Variants in ARHGAP22 observed in about 807,000 individuals in gnomAD.
ARHGAP22 encodes the protein rho GTPase-activating protein 22.
A neutral mutation model predicts 59.1 loss-of-function variants in ARHGAP22; 48 were observed. The observed-to-expected ratio is 0.81, with a 90% CI of 0.64 to 1.03. ARHGAP22 has a LOEUF of 1.03. Ranked by LOEUF, ARHGAP22 falls within the 50% of genes least tolerant of loss-of-function variation. The pLI is 0.00. For missense variants in ARHGAP22, 1,015 were observed against 958.7 expected, an observed-to-expected ratio of 1.06 and a Z score of -0.78; for synonymous variants, 445 against 416.4, an observed-to-expected ratio of 1.07 and a Z score of -0.84.
intron 4 of ARHGAP22, among the ~76,000 whole-genome samples, chr10:48,467,799 C>T (rs1427789883): frequency 6.6e-6 from 1 of 152,152 alleles, no homozygotes; most frequent in Non-Finnish European, 1.5e-5. Flanking sequence ...TTGCAAGGTG[C>T]TTACTCTGGG....
chr10:48,460,640 A>C (rs528096395), intron 4 of ARHGAP22, among the ~76,000 whole-genome samples: 1 of 152,362 alleles, frequency 6.6e-6, no homozygotes, highest in African/African-American at 2.4e-5. Flanking sequence ...ACCTAAAAGA[A>C]TTAAAAGCAA....
chr10:48,453,471 G>A (rs1473944112), intron 7 of ARHGAP22, 46 bp from the exon 8 acceptor site: 4 of 1,609,748 alleles, frequency 2.5e-6, no homozygotes, highest in Non-Finnish European at 3.4e-6. Context: ...AAGTTGTGAT[G>A]CCCAGTCTCC....
chr10:48,640,527 G>T (rs1407025814), intron 1 of ARHGAP22, among the ~76,000 whole-genome samples: 1 of 152,148 alleles, frequency 6.6e-6, no homozygotes, highest in African/African-American at 2.4e-5. Context: ...ATTAACAGTT[G>T]CCTTGTCATC....
rs755687175 is a variant in ARHGAP22 at position 48,459,834 on chromosome 10, C to T, written c.509G>A (p.Arg170His). ...CTGCTCCACCAGCAGGGGCGCCAGG[C>T]GGGGGCCATACTTCCGCTCGTGGTG... ...TVHHERKYGP[R>H]LAPLLVEQCV... The change falls in exon 5 of 10, where the codon CGC (arginine) becomes CAC (histidine). Residue 170 changes from arginine (R) to histidine (H), a missense_variant. By Grantham distance (29) the Arg-to-His change is conservative (BLOSUM62 0). Transcript: ENST00000249601. 6.2e-6 allele frequency: 10 copies of T among 1,613,446 alleles called. No homozygotes were observed. The highest frequency in any genetic ancestry group is 3.3e-5 in the Admixed American group (2 of 60,038).
In ARHGAP22 at chr10:48,628,688, C is replaced by T. The variant is rs182756445; in HGVS notation, c.52+23546G>A. Among the ~76,000 whole-genome samples the T allele has an allele frequency of 1.5e-3, 231 of 152,262 alleles. 1 individual carries two copies. Among genetic ancestry groups the T allele is most frequent in the African/African-American group, 5.2e-3 (217 of 41,552 alleles). On this transcript the variant is annotated intron_variant, in intron 1 of 9. Coordinates refer to the ARHGAP22 transcript ENST00000435790. ...CTTTTTGCAAGTTATCGAGTCATGG[C>T]CTTGACAATATAGTCAAAGTATATT... is the stretch of plus-strand genomic sequence containing the variant.
intron 2 of ARHGAP22, among the ~76,000 whole-genome samples, chr10:48,576,901 A>G (rs543764416): frequency 0.042 from 5,684 of 135,642 alleles, 341 homozygotes; most frequent in African/African-American, 0.14. Context: ...CCACTCACCC[A>G]TCCCTCCCCA....
intron 3 of ARHGAP22, among the ~76,000 whole-genome samples, chr10:48,552,437 G>A (rs1236814284): frequency 2.0e-5 from 3 of 152,254 alleles, no homozygotes; most frequent in Non-Finnish European, 2.9e-5. Flanking sequence ...GGAACTGTAG[G>A]AGAAGCCCCT....
intron 3 of ARHGAP22, among the ~76,000 whole-genome samples, chr10:48,488,839 C>T (rs760608634): frequency 7.2e-5 from 11 of 152,324 alleles, no homozygotes; most frequent in Non-Finnish European, 1.3e-4. Flanking sequence ...CTCTGTGCAG[C>T]TCTTTCCTCC....
chr10:48,655,256 T>TGGGGGGGGG (rs1230624457), upstream of ARHGAP22, among the ~76,000 whole-genome samples: 1 of 9,872 alleles, frequency 1.0e-4, no homozygotes, highest in African/African-American at 3.1e-4. Flanking sequence ...TGTGTGTGTG[T>TGGGGGGGGG]GGGGGGGGGG....
chr10:48,431,881 AAC>A, the ARHGAP22 span, among the ~76,000 whole-genome samples: 8 of 152,196 alleles, frequency 5.3e-5, no homozygotes, highest in Non-Finnish European at 1.0e-4. Flanking sequence ...CATACCACAT[AAC>A]AGACACTAGT....
downstream of ARHGAP22, chr10:48,445,331 A>G (rs1305177258): frequency 1.3e-5 from 2 of 152,362 alleles, no homozygotes; most frequent in Non-Finnish European, 2.9e-5. Context: ...GCAAGGGGCC[A>G]GCCACACATC....
At chr10:48,548,170 C>T (rs2056609518) in intron 3 of ARHGAP22, among the ~76,000 whole-genome samples, 1 of 152,296 alleles carries the variant, frequency 6.6e-6, no homozygotes, top group South Asian at 2.1e-4. Flanking sequence ...CAGAGTACCA[C>T]CCGCTCGCCC....
intron 1 of ARHGAP22, among the ~76,000 whole-genome samples, chr10:48,649,805 C>G (rs902750150): frequency 2.6e-5 from 4 of 152,124 alleles, no homozygotes; most frequent in African/African-American, 9.7e-5. Flanking sequence ...CCACCAGCTC[C>G]TGCTGGAGGG....
intron 3 of ARHGAP22, among the ~76,000 whole-genome samples, chr10:48,496,786 A>AG (rs545266889): frequency 5.9e-5 from 9 of 151,996 alleles, no homozygotes; most frequent in Non-Finnish European, 8.8e-5. Context: ...GCAGTAATGG[A>AG]GGGGGGCTGC....
At chr10:48,523,464 G>T (rs983303519) in intron 3 of ARHGAP22, among the ~76,000 whole-genome samples, 2 of 152,230 alleles carry the variant, frequency 1.3e-5, no homozygotes, top group Non-Finnish European at 1.5e-5. Context: ...TCCTAAGCGT[G>T]TTTCTGGGCT....
rs1016066094 is a variant in ARHGAP22 at position 48,450,657 on chromosome 10, G to A, written c.1472C>T (p.Thr491Ile). The A allele has an allele frequency of 7.7e-6, 12 of 1,550,284 alleles. No individual in the cohort carries two copies. The highest frequency in any genetic ancestry group is 2.7e-5 in the African/African-American group (2 of 73,090). The change falls in exon 9 of 10, where the codon ACC (threonine) becomes ATC (isoleucine). Residue 491 changes from threonine to isoleucine, a missense_variant. By Grantham distance (89) the Thr-to-Ile change is moderately conservative (BLOSUM62 -1). Transcript: ENST00000249601. ...GCCCGGCGCGGGCACATTGTCGTAG[G>A]TGGAGAGTCTCTGCACGGAGCCCGA... ...KDSGSVQRLS[T>I]YDNVPAPGLV...
chr10:48,597,122 A>C (rs2060115100), intron 1 of ARHGAP22, among the ~76,000 whole-genome samples: 1 of 152,038 alleles, frequency 6.6e-6, no homozygotes, highest in African/African-American at 2.4e-5. Context: ...TGCCCCTGGG[A>C]CCTTGCTGAC....
chr10:48,573,393 GA>G (rs1416932225), intron 2 of ARHGAP22, among the ~76,000 whole-genome samples: 1 of 152,158 alleles, frequency 6.6e-6, no homozygotes, highest in Non-Finnish European at 1.5e-5. Context: ...GGTTACTCAA[GA>G]GAAATCTGCC....
intron 2 of ARHGAP22, chr10:48,556,490 G>C (rs2057318411): frequency 6.6e-6 from 1 of 152,122 alleles, no homozygotes; most frequent in African/African-American, 2.4e-5. Context: ...ACTCAGACTT[G>C]GTATGGCTTC....
Sources: allele counts gnomAD v4.1 joint callset (sites outside exome capture counted in the v4.1 genomes callset), GRCh38; gene constraint gnomAD v4.1.1; transcripts MANE v1.5; gene names NCBI Gene and HGNC (gene_info 2026-07-23, HGNC 2026-07-21).